Variants in MARCHF1 observed in about 807,000 individuals in gnomAD.
MARCHF1 encodes the protein membrane associated ring-CH-type finger 1, also known as E3 ubiquitin-protein ligase MARCHF1.
Under a neutral mutation model 54.2 loss-of-function variants are expected in MARCHF1, and 40 were observed. That is an observed-to-expected ratio of 0.74 (90% CI 0.57 to 0.96). MARCHF1 has a LOEUF of 0.96. Among genes scored for constraint, MARCHF1 ranks in the 40% least tolerant of loss-of-function variants. The probability of loss-of-function intolerance (pLI) is 0.00; values close to 1 mark genes in which losing one functional copy is unlikely to be tolerated. For missense variants in MARCHF1, 586 were observed against 656.5 expected, an observed-to-expected ratio of 0.89 and a Z score of 1.17; for synonymous variants, 236 against 236.3, an observed-to-expected ratio of 1.00 and a Z score of 0.01.
At chr4:164,340,405 T>TTATATACATACATACATATATATA (rs58808830) in intron 1 of MARCHF1, among the ~76,000 whole-genome samples, 4 of 95,654 alleles carry the variant, frequency 4.2e-5, no homozygotes, top group African/African-American at 1.4e-4. Context: ...AGGCCTTGAT[T>TTATATACATACATACATATATATA]TATATATAGA....
chr4:164,266,212 G>T (rs534636836), intron 1 of MARCHF1, among the ~76,000 whole-genome samples: 5 of 152,112 alleles, frequency 3.3e-5, no homozygotes, highest in Non-Finnish European at 5.9e-5. Flanking sequence ...TTCATCTCAG[G>T]TTTACCTTTT....
At chr4:164,110,925 G>C (rs562785770) in intron 2 of MARCHF1, among the ~76,000 whole-genome samples, 1 of 151,674 alleles carries the variant, frequency 6.6e-6, no homozygotes, top group Admixed American at 6.6e-5. Flanking sequence ...TACTGAGAAG[G>C]GTCATAAATT....
At chr4:164,097,781 T>C (rs758557250) in intron 2 of MARCHF1, among the ~76,000 whole-genome samples, 14 of 152,290 alleles carry the variant, frequency 9.2e-5, no homozygotes, top group Non-Finnish European at 1.9e-4. Context: ...TTTAGGTAGG[T>C]TGGGCCACAC....
intron 1 of MARCHF1, among the ~76,000 whole-genome samples, chr4:164,148,959 C>G (rs1729852349): frequency 6.6e-6 from 1 of 152,092 alleles, no homozygotes; most frequent in Non-Finnish European, 1.5e-5. Flanking sequence ...AAGATAACCT[C>G]CAATGTTGGA....
intron 8 of MARCHF1, among the ~76,000 whole-genome samples, chr4:163,559,390 T>C (rs75751603): frequency 0.063 from 9,641 of 152,184 alleles, 476 homozygotes; most frequent in South Asian, 0.14. Flanking sequence ...TAGGGAGTGG[T>C]TGGCGATTTG....
intron 4 of MARCHF1, among the ~76,000 whole-genome samples, chr4:163,730,409 G>C (rs1258147879): frequency 6.6e-6 from 1 of 151,790 alleles, no homozygotes; most frequent in Non-Finnish European, 1.5e-5. Context: ...AGTTTCTTAT[G>C]GTTTGTTTTT....
intron 2 of MARCHF1, among the ~76,000 whole-genome samples, chr4:164,090,042 C>G (rs1019634988): frequency 2.0e-5 from 3 of 151,512 alleles, no homozygotes; most frequent in Non-Finnish European, 4.4e-5. Context: ...ATTGATAGGA[C>G]ATATTCTAAA....
chr4:163,736,676 TCCTAAGATAAAGCAAC>T (rs1746043458), intron 4 of MARCHF1, among the ~76,000 whole-genome samples: 1 of 151,982 alleles, frequency 6.6e-6, no homozygotes, highest in Non-Finnish European at 1.5e-5. Flanking sequence ...AGGGCTAAAG[TCCTAAGATAAAGCAAC>T]TTAGAGCTGT....
intron 1 of MARCHF1, among the ~76,000 whole-genome samples, chr4:164,367,713 A>C (rs1177752263): frequency 9.1e-6 from 1 of 109,770 alleles, no homozygotes; most frequent in East Asian, 3.4e-4. Flanking sequence ...TATTTCTTAA[A>C]AATTAGGTTG....
chr4:164,158,669 T>C (rs746668438), intron 1 of MARCHF1, among the ~76,000 whole-genome samples: 1 of 151,972 alleles, frequency 6.6e-6, no homozygotes. Context: ...TAAAAATAAA[T>C]AAACAGTGAA....
intron 1 of MARCHF1, among the ~76,000 whole-genome samples, chr4:164,176,480 G>A (rs1730666213): frequency 6.6e-6 from 1 of 152,018 alleles, no homozygotes; most frequent in Non-Finnish European, 1.5e-5. Flanking sequence ...ATTTTTAAAT[G>A]ACTTCAGGTA....
At chr4:164,382,247 G>C (rs1731391232) in intron 1 of MARCHF1, among the ~76,000 whole-genome samples, 1 of 151,950 alleles carries the variant, frequency 6.6e-6, no homozygotes, top group Non-Finnish European at 1.5e-5. Context: ...TTTATCAAAA[G>C]AGCAATCACT....
At chr4:163,762,524 CAA>C (rs1215549828) in intron 4 of MARCHF1, among the ~76,000 whole-genome samples, 2 of 151,948 alleles carry the variant, frequency 1.3e-5, no homozygotes, top group Non-Finnish European at 2.9e-5. Flanking sequence ...TTTGTGTACA[CAA>C]AGAGTTATGT....
intron 3 of MARCHF1, among the ~76,000 whole-genome samples, chr4:163,935,697 G>GCTTT (rs1237228390): frequency 1.0e-5 from 1 of 98,686 alleles, no homozygotes; most frequent in African/African-American, 3.8e-5. Context: ...TGTTTTGCTT[G>GCTTT]CTTTCTTTTT....
intron 5 of MARCHF1, among the ~76,000 whole-genome samples, chr4:163,700,569 G>T (rs1269480057): frequency 3.3e-5 from 5 of 150,256 alleles, no homozygotes; most frequent in Admixed American, 2.0e-4. Context: ...AGGAAGGAAG[G>T]AAGGAAGGAA....
At chr4:163,941,911 A>G (rs1751920274) in intron 3 of MARCHF1, among the ~76,000 whole-genome samples, 2 of 152,172 alleles carry the variant, frequency 1.3e-5, no homozygotes, top group Non-Finnish European at 2.9e-5. Flanking sequence ...ATAAAGTTAA[A>G]TAAAATAATC....
intron 2 of MARCHF1, among the ~76,000 whole-genome samples, chr4:164,099,395 T>A (rs1191699531): frequency 6.6e-6 from 1 of 152,226 alleles, no homozygotes; most frequent in Non-Finnish European, 1.5e-5. Context: ...TTTTTCATTT[T>A]CTATAATTGT....
chr4:163,598,137 C>T (rs764411837), intron 7 of MARCHF1, among the ~76,000 whole-genome samples: 1 of 152,206 alleles, frequency 6.6e-6, no homozygotes, highest in Non-Finnish European at 1.5e-5. Flanking sequence ...GATTCTGCTG[C>T]ACTTTCCCAG....
intron 1 of MARCHF1, among the ~76,000 whole-genome samples, chr4:164,336,367 G>A (rs568300049): frequency 6.6e-6 from 1 of 152,318 alleles, no homozygotes; most frequent in East Asian, 1.9e-4. Context: ...TTTGGACTAT[G>A]TACAGGATAT....
Sources: allele counts gnomAD v4.1 joint callset (sites outside exome capture counted in the v4.1 genomes callset), GRCh38; gene constraint gnomAD v4.1.1; transcripts MANE v1.5; gene names NCBI Gene and HGNC (gene_info 2026-07-23, HGNC 2026-07-21).